The following DPP3 variants were observed in gnomAD, a reference collection of about 807,000 sequenced individuals.
The protein encoded by DPP3 is DPP III.
DPP3 carries 64 observed loss-of-function variants against 89.8 expected under a neutral mutation model. The observed-to-expected ratio is 0.71, with a 90% CI of 0.58 to 0.88. DPP3 has a LOEUF of 0.88. DPP3 is among the 40% of genes least tolerant of loss of function. The probability of loss-of-function intolerance (pLI) is 0.00; values close to 1 mark genes in which losing one functional copy is unlikely to be tolerated. For synonymous variants in DPP3, 377 were observed against 404.3 expected, an observed-to-expected ratio of 0.93 and a Z score of 0.81; for missense variants, 835 against 972.5, an observed-to-expected ratio of 0.86 and a Z score of 1.88.
In DPP3 at chr11:66,493,544, C is replaced by T. The variant is rs755534647; in HGVS notation, c.1300C>T (p.Leu434=). 3.1e-6 allele frequency: 5 copies of T among 1,612,894 alleles called. No homozygotes were observed. Among genetic ancestry groups the T allele is most frequent in the Non-Finnish European group, 4.2e-6 (5 of 1,179,894 alleles). The change falls in exon 12 of 18, where the codon CTG becomes TTG. Residue 434 remains leucine (L), a synonymous_variant. Coordinates refer to ENST00000531863, the MANE Select transcript of DPP3 (RefSeq NM_130443.4). ...GGGTCTCTGCTTGTCTTGGCAGGAC[C>T]TGTACATCCTCTGGAAGGGGCCCTC... The part of the protein sequence containing the change: ...LTFLEEDDKD[L]YILWKGPSFD...
rs904134858 is a variant in DPP3 at position 66,509,256 on chromosome 11, G to A, written c.*5G>A. The A allele has an allele frequency of 6.2e-7, 1 of 1,604,346 alleles. No individual in the cohort carries two copies. Among genetic ancestry groups the A allele is most frequent in the Non-Finnish European group, 8.5e-7 (1 of 1,175,232 alleles). ...GCCCCATCTGGCCAAGCTTGAGGAAGATGTGTGGCCTTGCCCCCAATTCCA... is the reference window on the plus strand; with the variant it reads ...GCCCCATCTGGCCAAGCTTGAGGAAAATGTGTGGCCTTGCCCCCAATTCCA... On this transcript the variant is annotated 3_prime_UTR_variant, in exon 18 of 18. Transcript: ENST00000531863.
At chr11:66,505,008 A>C (rs1855766685) in intron 17 of DPP3, among the ~76,000 whole-genome samples, 1 of 152,146 alleles carries the variant, frequency 6.6e-6, no homozygotes, top group African/African-American at 2.4e-5. Context: ...TAAGACAGTG[A>C]CAGAAGATTT....
chr11:66,495,135 T>G (rs2511224), intron 12 of DPP3, 71 bp from the exon 13 acceptor site: 32 of 1,610,340 alleles, frequency 2.0e-5, no homozygotes, highest in Non-Finnish European at 2.7e-5. Context: ...CTTTCCGGCC[T>G]GTGGATTCTG....
chr11:66,497,488 G>A lies in DPP3; in HGVS notation c.1878+11G>A. The A allele has an allele frequency of 6.2e-7, 1 of 1,610,334 alleles. No individual in the cohort carries two copies. The highest frequency in any genetic ancestry group is 8.5e-7 in the Non-Finnish European group (1 of 1,177,938). ...CTGCGGAGACTTCAGGTAAGCAAAG[G>A]CCTCTCGTCTGGATGGGTCCCCACC... On this transcript the variant is annotated intron_variant, in intron 16 of 17. Transcript: ENST00000531863.
At chr11:66,488,811 A>G (rs1402405165) in intron 6 of DPP3, among the ~76,000 whole-genome samples, 2 of 152,156 alleles carry the variant, frequency 1.3e-5, no homozygotes, top group Non-Finnish European at 2.9e-5. Flanking sequence ...TGCTCTGGCC[A>G]TGCTCAACAG....
intron 16 of DPP3, among the ~76,000 whole-genome samples, chr11:66,502,098 CAGA>C (rs1369893377): frequency 1.3e-5 from 2 of 151,914 alleles, no homozygotes; most frequent in African/African-American, 4.8e-5. Flanking sequence ...GAGGCTGAGG[CAGA>C]AGAATTGCTT....
At position 66,492,571 on chromosome 11, in the gene DPP3, A is replaced by G. The variant is rs143925875; in HGVS notation, c.989-145A>G. 414 of 952,742 alleles carry G rather than the reference A, an allele frequency of 4.3e-4. No homozygotes were observed. In the African/African-American group the frequency reaches 6.4e-3, roughly 15 times the overall value. The allele number at this position is 952,742 out of a possible 1,614,324, so 59.0% of individuals were successfully genotyped here. A position where few individuals can be genotyped will look rare whatever the true frequency, so the allele number is the denominator to read the frequency against. On this transcript the variant is annotated intron_variant, in intron 9 of 17. Coordinates refer to ENST00000531863, the MANE Select transcript of DPP3 (RefSeq NM_130443.4). ...TCCAGGTCCTGACCCAGTAGGGCCCAGGCCTGGGTCACTGCTATCCCCATC... is the reference window on the plus strand; with the variant it reads ...TCCAGGTCCTGACCCAGTAGGGCCCGGGCCTGGGTCACTGCTATCCCCATC...
At chr11:66,495,037 G>C (rs1855493092) in intron 12 of DPP3, among the ~76,000 whole-genome samples, 169 bp from the exon 13 acceptor site, 1 of 152,220 alleles carries the variant, frequency 6.6e-6, no homozygotes, top group Non-Finnish European at 1.5e-5. Context: ...CAGCGTCACA[G>C]GGCTCAGGGC....
Position 66,480,436 on chromosome 11 carries a change from G to A in DPP3, c.-38G>A. 1 of 1,485,950 alleles carries A rather than the reference G, an allele frequency of 6.7e-7. No homozygotes were observed. Among genetic ancestry groups the A allele is most frequent in the Non-Finnish European group, 8.9e-7 (1 of 1,124,318 alleles). 92.0% of individuals were successfully genotyped at this position (1,485,950 alleles called of 1,614,324 possible). Reference sequence around the variant, plus strand: ...TGAATGGGGGAGCCGGAAGCAGGAAGTGAGTTTGCGAACGGAGCAGCTGCT... The same window carrying A: ...TGAATGGGGGAGCCGGAAGCAGGAAATGAGTTTGCGAACGGAGCAGCTGCT... On this transcript the variant is annotated 5_prime_UTR_variant, in exon 1 of 18. In the 5' UTR this introduces an upstream ATG that the reference lacks. Transcript: ENST00000531863.
At chr11:66,481,893 A>T (rs1855093662) in intron 1 of DPP3, among the ~76,000 whole-genome samples, 1 of 152,084 alleles carries the variant, frequency 6.6e-6, no homozygotes, top group Admixed American at 6.5e-5. Context: ...GGTGATCCAC[A>T]CACCTCGGCC....
At chr11:66,486,873 T>C (rs753611612) in intron 4 of DPP3, among the ~76,000 whole-genome samples, 196 bp downstream of exon 4, 11 of 152,154 alleles carry the variant, frequency 7.2e-5, no homozygotes, top group Non-Finnish European at 8.8e-5. Flanking sequence ...GCTTTCTGAA[T>C]GCCCTCCCAG....
chr11:66,484,127 A>G (rs553712721), intron 2 of DPP3, among the ~76,000 whole-genome samples: 1 of 152,102 alleles, frequency 6.6e-6, no homozygotes. Flanking sequence ...ACAGGCATGC[A>G]CCACCACGCC....
chr11:66,500,079 C>G (rs1427546922), intron 16 of DPP3, among the ~76,000 whole-genome samples: 1 of 152,016 alleles, frequency 6.6e-6, no homozygotes, highest in Non-Finnish European at 1.5e-5. Context: ...TTCAGCCGAG[C>G]ACAGTCGCTC....
At position 66,491,703 on chromosome 11, in the gene DPP3, T is replaced by C. The variant is rs1374119767; in HGVS notation, c.935T>C (p.Ile312Thr). Residue 312 changes from isoleucine (I) to threonine (T), a missense_variant, in exon 9 of 18, where the codon ATC becomes ACC. Physicochemically the swap from Ile to Thr is moderately conservative, Grantham distance 89 (BLOSUM62 -1). Transcript: ENST00000531863. ...TCTGCCCTTCTCTCCCCCAGTTACATCGGGTTCATCGAGAGCTACCGCGAC... is the reference window on the plus strand; with the variant it reads ...TCTGCCCTTCTCTCCCCCAGTTACACCGGGTTCATCGAGAGCTACCGCGAC... ...QDKGPIVESY[I>T]GFIESYRDPF... 1 of 1,573,848 alleles carries C rather than the reference T, an allele frequency of 6.4e-7. No individual in the cohort carries two copies. The highest frequency in any genetic ancestry group is 2.4e-5 in the East Asian group (1 of 42,216).
chr11:66,484,416 G>T (rs1855167768), intron 2 of DPP3, among the ~76,000 whole-genome samples: 1 of 152,116 alleles, frequency 6.6e-6, no homozygotes, highest in Admixed American at 6.5e-5. Context: ...CGGACTCAGT[G>T]CTACCACTGG....
chr11:66,492,432 T>A, intron 9 of DPP3: 1 of 381,154 alleles, frequency 2.6e-6, no homozygotes, highest in East Asian at 4.5e-5. Flanking sequence ...GAGATTAGCC[T>A]GGGAGGAGAG....
chr11:66,486,771 T>A, intron 4 of DPP3, 94 bp downstream of exon 4: 2 of 1,388,082 alleles, frequency 1.4e-6, no homozygotes, highest in Non-Finnish European at 1.9e-6. Context: ...GGGGAGGCAG[T>A]GGGCTCTGCC....
chr11:66,503,510 G>A (rs1855729074), intron 16 of DPP3, among the ~76,000 whole-genome samples: 1 of 152,160 alleles, frequency 6.6e-6, no homozygotes, highest in South Asian at 2.1e-4. Context: ...GTAAGTGACA[G>A]GGCCCAGCAT....
Position 66,492,782 on chromosome 11 carries a change from A to AGCT in DPP3, c.1060_1062dup (p.Leu354dup), listed in dbSNP as rs773003213. The AGCT allele has an allele frequency of 3.1e-6, 5 of 1,613,940 alleles. No homozygotes were observed. The highest frequency in any genetic ancestry group is 4.2e-6 in the Non-Finnish European group (5 of 1,179,930). On this transcript the variant is annotated inframe_insertion, in exon 10 of 18. Transcript: ENST00000531863. ...GAGCGGCTGGTGGCGAGCGCAGAGCAGCTGCTGAAGGAGCTGCCCTGGCCC... is the reference window on the plus strand; with the variant it reads ...GAGCGGCTGGTGGCGAGCGCAGAGCAGCTGCTGCTGAAGGAGCTGCCCTGGCCC...
Sources: allele counts gnomAD v4.1 joint callset (sites outside exome capture counted in the v4.1 genomes callset), GRCh38; gene constraint gnomAD v4.1.1; transcripts MANE v1.5; gene names NCBI Gene and HGNC (gene_info 2026-07-23, HGNC 2026-07-21).